AP3B1: variants seen among roughly 807,000 people sequenced by gnomAD.
AP3B1 encodes adaptor related protein complex 3 subunit beta 1, also known as AP-3 complex subunit beta-1.
A neutral mutation model predicts 132.5 loss-of-function variants in AP3B1; 61 were observed. That is an observed-to-expected ratio of 0.46 (90% CI 0.37 to 0.57). AP3B1 has a LOEUF of 0.57. AP3B1 is among the 20% of genes least tolerant of loss of function. The pLI is 0.00. For missense variants in AP3B1, 1,120 were observed against 1,289.4 expected (o/e 0.87, Z 2.01); for synonymous variants, 388 against 438.3 (o/e 0.89, Z 1.43).
At chr5:78,159,676 T>A (rs984053812) in intron 13 of AP3B1, among the ~76,000 whole-genome samples, 1 of 152,208 alleles carries the variant, frequency 6.6e-6, no homozygotes, top group Admixed American at 6.5e-5. Flanking sequence ...CTTGACTTAA[T>A]CAATCTGCGA....
intron 14 of AP3B1, among the ~76,000 whole-genome samples, chr5:78,153,736 T>A (rs1398648327): frequency 1.3e-5 from 2 of 152,166 alleles, no homozygotes; most frequent in Admixed American, 6.6e-5. Flanking sequence ...GTTTTTAGAT[T>A]AGAGGTTACA....
chr5:78,210,912 C>G (rs1000195107), intron 7 of AP3B1, among the ~76,000 whole-genome samples: 1 of 151,988 alleles, frequency 6.6e-6, no homozygotes, highest in Non-Finnish European at 1.5e-5. Flanking sequence ...AGAAATCTCC[C>G]ATAATAGGCT....
At chr5:78,104,275 T>C (rs1751244472) in intron 20 of AP3B1, among the ~76,000 whole-genome samples, 1 of 152,176 alleles carries the variant, frequency 6.6e-6, no homozygotes, top group South Asian at 2.1e-4. Context: ...AACTTGTGCT[T>C]TAAAACAAAA....
intron 22 of AP3B1, among the ~76,000 whole-genome samples, chr5:78,056,182 GCATGGGGTATGAGA>G (rs1476990029): frequency 6.6e-6 from 1 of 152,180 alleles, no homozygotes; most frequent in Non-Finnish European, 1.5e-5. Context: ...TCAGGAAACT[GCATGGGGTATGAGA>G]CCAGATGTCA....
At chr5:78,012,682 A>G (rs891299688) in intron 26 of AP3B1, among the ~76,000 whole-genome samples, 20 of 152,240 alleles carry the variant, frequency 1.3e-4, no homozygotes, top group Non-Finnish European at 2.6e-4. Flanking sequence ...CAGGTTACAG[A>G]GCCAAACACC....
At chr5:78,120,627 C>CA (rs1405370369) in intron 17 of AP3B1, among the ~76,000 whole-genome samples, 1 of 151,848 alleles carries the variant, frequency 6.6e-6, no homozygotes, top group East Asian at 1.9e-4. Flanking sequence ...GGGATCAATT[C>CA]AACAAGAAGA....
chr5:78,092,530 G>A (rs1750570417), intron 21 of AP3B1, among the ~76,000 whole-genome samples: 1 of 152,130 alleles, frequency 6.6e-6, no homozygotes, highest in African/African-American at 2.4e-5. Context: ...GAAATATCAT[G>A]CCCACCTGGC....
intron 6 of AP3B1, among the ~76,000 whole-genome samples, chr5:78,220,792 G>A (rs781123050): frequency 1.3e-5 from 2 of 152,132 alleles, no homozygotes; most frequent in Non-Finnish European, 2.9e-5. Flanking sequence ...GCTCACGCCT[G>A]TAATCCCAAT....
In AP3B1 at chr5:78,021,672, G is replaced by A. The variant is rs80353732; in HGVS notation, c.2895-883C>T. ...GAAGTCTTAGAGTTACCAGTCACAG[G>A]CTCATTCAGTGGCTTAAAAAACCCT... On this transcript the variant is annotated intron_variant, in intron 24 of 26. Coordinates refer to ENST00000255194, the MANE Select transcript of AP3B1 (RefSeq NM_003664.5). Among the ~76,000 whole-genome samples, 16 of 152,198 alleles carry A rather than the reference G, an allele frequency of 1.1e-4. No individual in the cohort carries two copies. The East Asian group carries it at 2.9e-3, about 28-fold the overall frequency.
chr5:78,212,411 G>A (rs182275544), intron 7 of AP3B1, among the ~76,000 whole-genome samples: 4 of 152,090 alleles, frequency 2.6e-5, no homozygotes, highest in East Asian at 1.9e-4. Context: ...AAATGAATTC[G>A]GTATTACAGG....
At chr5:78,211,652 T>G (rs1223809231) in intron 7 of AP3B1, among the ~76,000 whole-genome samples, 2 of 152,246 alleles carry the variant, frequency 1.3e-5, no homozygotes, top group Non-Finnish European at 2.9e-5. Context: ...TTTTTCTCTT[T>G]GAGAGCAAAT....
intron 7 of AP3B1, among the ~76,000 whole-genome samples, chr5:78,205,385 T>C (rs527301172): frequency 1.4e-4 from 21 of 151,824 alleles, no homozygotes; most frequent in African/African-American, 5.1e-4. Context: ...AACTAAATCA[T>C]TAAATCAATA....
chr5:78,178,048 T>C (rs1159448987), intron 8 of AP3B1, among the ~76,000 whole-genome samples: 2 of 152,070 alleles, frequency 1.3e-5, no homozygotes, highest in Non-Finnish European at 2.9e-5. Context: ...CTGCTCAAGG[T>C]GTAACAGCTA....
In AP3B1 at chr5:78,002,522, C is replaced by T. The variant is rs911081557; in HGVS notation, c.*380G>A. 5 of 479,700 alleles carry T rather than the reference C, an allele frequency of 1.0e-5. 1 individual carries two copies. The highest frequency in any genetic ancestry group is 5.0e-5 in the South Asian group (1 of 19,900). The allele number at this position is 479,700 out of a possible 1,614,324, so 29.7% of individuals were successfully genotyped here. A position where few individuals can be genotyped will look rare whatever the true frequency, so the allele number is the denominator to read the frequency against. ...AGAGGCCATTTAGACTATCTCTTTG[C>T]TAATTTTTGCTTACTGCTGTAGGGA... is the stretch of plus-strand genomic sequence containing the variant. On this transcript the variant is annotated 3_prime_UTR_variant, in exon 27 of 27. Transcript: ENST00000255194.
At chr5:78,151,835 C>A in intron 14 of AP3B1, among the ~76,000 whole-genome samples, 1 of 73,522 alleles carries the variant, frequency 1.4e-5, no homozygotes, top group Non-Finnish European at 3.1e-5. Flanking sequence ...TCCTTCCCTC[C>A]CCTCCCCCTT....
chr5:78,100,746 A>G (rs917705020), intron 21 of AP3B1, among the ~76,000 whole-genome samples: 1 of 152,210 alleles, frequency 6.6e-6, no homozygotes, highest in Non-Finnish European at 1.5e-5. Context: ...TTGGCCATCT[A>G]TATTTGTTCA....
intron 24 of AP3B1, among the ~76,000 whole-genome samples, chr5:78,028,919 CTG>C (rs1233901478): frequency 6.6e-6 from 1 of 152,150 alleles, no homozygotes; most frequent in Non-Finnish European, 1.5e-5. Flanking sequence ...TAAAAGATCT[CTG>C]TGCTTTGTCA....
chr5:78,214,063 C>A (rs1173487938), intron 7 of AP3B1, among the ~76,000 whole-genome samples: 4 of 152,186 alleles, frequency 2.6e-5, no homozygotes, highest in Non-Finnish European at 2.9e-5. Context: ...GATGTGCACA[C>A]TGGAAAACCA....
At chr5:78,183,760 G>A (rs1201663140) in intron 7 of AP3B1, among the ~76,000 whole-genome samples, 1 of 150,794 alleles carries the variant, frequency 6.6e-6, no homozygotes. Flanking sequence ...CCAGCTACTC[G>A]AGAGGCTGAG....
Sources: gnomAD v4.1 joint callset for allele counts (sites outside exome capture counted in the v4.1 genomes callset) on GRCh38, gnomAD v4.1.1 for gene constraint, MANE v1.5 for transcripts, NCBI Gene and HGNC (gene_info 2026-07-23, HGNC 2026-07-21) for gene names.